The following GPR158 variants were observed in gnomAD, a reference collection of about 807,000 sequenced individuals.
GPR158 encodes G protein-coupled receptor 158, also known as metabotropic glycine receptor.
In GPR158, 30 loss-of-function variants were observed where a neutral mutation model predicts 78.2. That is an observed-to-expected ratio of 0.38 (90% CI 0.29 to 0.52). GPR158 has a LOEUF of 0.52. Ranked by LOEUF, GPR158 falls within the 20% of genes least tolerant of loss-of-function variation. The probability of loss-of-function intolerance (pLI) is 0.83; values close to 1 mark genes in which losing one functional copy is unlikely to be tolerated. For synonymous variants in GPR158, 581 were observed against 591.1 expected (o/e 0.98, Z 0.25); for missense variants, 1,463 against 1,523.5 (o/e 0.96, Z 0.66).
chr10:25,505,551 A>G lies in GPR158; in HGVS notation c.1404+38832A>G, dbSNP rs151337244. ...ATTGACAGGATAAATTTTCAAAAACATGAGTTTGACTAGGTTACTCTACTG... is the reference window on the plus strand; with the variant it reads ...ATTGACAGGATAAATTTTCAAAAACGTGAGTTTGACTAGGTTACTCTACTG... On this transcript the variant is annotated intron_variant, in intron 5 of 10. Coordinates refer to ENST00000376351, the MANE Select transcript of GPR158 (RefSeq NM_020752.3). Among the ~76,000 whole-genome samples the G allele has an allele frequency of 9.2e-4, 140 of 152,298 alleles. 3 individuals carry two copies. In the South Asian group the frequency reaches 0.023, roughly 25 times the overall value.
At chr10:25,576,056 TG>T (rs1158639321) in intron 7 of GPR158, among the ~76,000 whole-genome samples, 3 of 139,354 alleles carry the variant, frequency 2.2e-5, no homozygotes, top group Admixed American at 7.1e-5. Context: ...ATTCTGTTGT[TG>T]TTTTTTTTTT....
At chr10:25,507,999 G>A (rs1836036133) in intron 5 of GPR158, among the ~76,000 whole-genome samples, 1 of 152,014 alleles carries the variant, frequency 6.6e-6, no homozygotes, top group Non-Finnish European at 1.5e-5. Context: ...GTTTTTTAAG[G>A]TAACAAAAAA....
chr10:25,428,814 G>T (rs1834857587), intron 4 of GPR158, among the ~76,000 whole-genome samples: 1 of 152,030 alleles, frequency 6.6e-6, no homozygotes, highest in Admixed American at 6.6e-5. Context: ...CGCGACGCTT[G>T]ATTTTATTTG....
chr10:25,270,549 G>C (rs375418702), intron 2 of GPR158, among the ~76,000 whole-genome samples: 3 of 152,002 alleles, frequency 2.0e-5, no homozygotes, highest in African/African-American at 7.2e-5. Flanking sequence ...CAGACCCAGC[G>C]CACCCCAAAC....
At chr10:25,493,452 CACTG>C (rs1349116314) in intron 5 of GPR158, among the ~76,000 whole-genome samples, 1 of 152,100 alleles carries the variant, frequency 6.6e-6, no homozygotes, top group Admixed American at 6.6e-5. Context: ...TTAAAGCGTT[CACTG>C]ACTGAATCCA....
At chr10:25,258,336 C>T (rs965344282) in intron 2 of GPR158, among the ~76,000 whole-genome samples, 4 of 152,192 alleles carry the variant, frequency 2.6e-5, no homozygotes, top group Non-Finnish European at 4.4e-5. Flanking sequence ...AATAATCTGA[C>T]ATATTCTGCC....
intron 2 of GPR158, among the ~76,000 whole-genome samples, chr10:25,331,283 A>G (rs1349164854): frequency 1.3e-5 from 2 of 152,174 alleles, no homozygotes; most frequent in Admixed American, 6.5e-5. Context: ...CTTTCTATCT[A>G]CTGAGTAGAA....
chr10:25,410,793 A>G (rs1376468896), intron 3 of GPR158, among the ~76,000 whole-genome samples: 1 of 152,206 alleles, frequency 6.6e-6, no homozygotes, highest in Non-Finnish European at 1.5e-5. Flanking sequence ...ATGTAACAGA[A>G]TGATGACTCT....
At position 25,176,482 on chromosome 10, in the gene GPR158, G is replaced by A. The variant is rs972237966; in HGVS notation, c.902+160G>A. On this transcript the variant is annotated intron_variant, in intron 1 of 10. Coordinates refer to ENST00000376351, the MANE Select transcript of GPR158 (RefSeq NM_020752.3). The surrounding 1 kb of genome is among the most constrained non-coding windows in gnomAD (Gnocchi z 6.3). ...CTGAGGGACACCCCACGCGGGCGCG[G>A]GTGCTTGGGGGCAAGAAGCGCCCCA... Among the ~76,000 whole-genome samples, 1 of 152,174 alleles carries A rather than the reference G, an allele frequency of 6.6e-6. No homozygotes were observed. Among genetic ancestry groups the A allele is most frequent in the Non-Finnish European group, 1.5e-5 (1 of 68,030 alleles).
At chr10:25,421,773 G>T (rs913290329) in intron 4 of GPR158, among the ~76,000 whole-genome samples, 1 of 151,686 alleles carries the variant, frequency 6.6e-6, no homozygotes, top group Non-Finnish European at 1.5e-5. Context: ...AAAAAATTTG[G>T]TGCTTTTATT....
intron 1 of GPR158, among the ~76,000 whole-genome samples, chr10:25,187,998 CAGAG>C (rs1284851106): frequency 5.3e-5 from 8 of 152,150 alleles, no homozygotes; most frequent in Non-Finnish European, 7.3e-5. Flanking sequence ...AACAGACAAA[CAGAG>C]AGCCAAATTA....
intron 6 of GPR158, among the ~76,000 whole-genome samples, chr10:25,553,296 A>G (rs1836749437): frequency 6.6e-6 from 1 of 152,226 alleles, no homozygotes; most frequent in Non-Finnish European, 1.5e-5. Flanking sequence ...ATTTTAAAAA[A>G]TGAAATTAAA....
intron 2 of GPR158, among the ~76,000 whole-genome samples, chr10:25,265,050 T>C (rs574686661): frequency 4.5e-4 from 69 of 152,334 alleles, no homozygotes; most frequent in African/African-American, 1.5e-3. Context: ...ATTTTTCTTT[T>C]TGTGGACAGA....
chr10:25,581,893 T>TA (rs975296176), intron 7 of GPR158, among the ~76,000 whole-genome samples: 30 of 151,528 alleles, frequency 2.0e-4, no homozygotes, highest in African/African-American at 4.1e-4. Context: ...GTAATTTACT[T>TA]AAAAAAAAAG....
intron 1 of GPR158, among the ~76,000 whole-genome samples, chr10:25,216,635 A>T (rs1417939750): frequency 6.6e-6 from 1 of 152,188 alleles, no homozygotes; most frequent in African/African-American, 2.4e-5. Context: ...TGAAAATCAA[A>T]TATTATAATA....
At position 25,241,186 on chromosome 10, in the gene GPR158, T is replaced by TTTCTTTC. The variant is rs1564399427; in HGVS notation, c.1008+20032_1008+20033insTTTCTTC. 3.9e-4 allele frequency among the ~76,000 whole-genome samples: 41 copies of TTTCTTTC among 104,782 alleles called. 1 individual carries two copies. The highest frequency in any genetic ancestry group is 1.9e-3 in the African/African-American group (39 of 20,904). The allele number at this position is 104,782 out of a possible 152,430, so 68.7% of individuals were successfully genotyped here. ...CTTTCTTTCTTTCTTTCTTTCTTTC[T>TTTCTTTC]TTCCTTTCTTTCTTTCCTTTCTTTC... On this transcript the variant is annotated intron_variant, in intron 2 of 10. Transcript: ENST00000376351.
At chr10:25,444,423 ATG>A (rs1046593138) in intron 4 of GPR158, among the ~76,000 whole-genome samples, 13 of 149,402 alleles carry the variant, frequency 8.7e-5, no homozygotes, top group African/African-American at 3.0e-4. Flanking sequence ...GTGTGAGTGT[ATG>A]TGTGTGTATG....
rs949785718 is a variant in GPR158 at position 25,601,850 on chromosome 10, C to G, written c.*2576C>G. 2 of 152,540 alleles carry G rather than the reference C, an allele frequency of 1.3e-5. No homozygotes were observed. The highest frequency in any genetic ancestry group is 1.5e-5 in the Non-Finnish European group (1 of 68,022). The allele number at this position is 152,540 out of a possible 1,614,324, so 9.4% of individuals were successfully genotyped here. On this transcript the variant is annotated 3_prime_UTR_variant, in exon 11 of 11. Transcript: ENST00000376351. ...GGGTTTATAAATAAGTAGATTTATA[C>G]CAATCTTAATAGAATTGTATATTTT...
At chr10:25,567,950 T>C (rs1490960804) in intron 6 of GPR158, among the ~76,000 whole-genome samples, 1 of 152,066 alleles carries the variant, frequency 6.6e-6, no homozygotes, top group African/African-American at 2.4e-5. Flanking sequence ...AATAGAAGAA[T>C]TTGAAAGATA....
Sources: gnomAD v4.1 joint callset for allele counts (sites outside exome capture counted in the v4.1 genomes callset) on GRCh38, gnomAD v4.1.1 for gene constraint, Gnocchi (gnomAD v3.1) non-coding constraint, MANE v1.5 for transcripts, NCBI Gene and HGNC (gene_info 2026-07-23, HGNC 2026-07-21) for gene names.